The following HEMK1 variants were observed in gnomAD, a reference collection of about 807,000 sequenced individuals.
HEMK1 encodes the protein HemK methyltransferase 1, mitochondrial release factors N(5)-glutamine.
Under a neutral mutation model 47.9 loss-of-function variants are expected in HEMK1, and 36 were observed. The observed-to-expected ratio is 0.75, with a 90% CI of 0.58 to 0.99. The LOEUF is 0.99. HEMK1 is among the 50% of genes least tolerant of loss of function. HEMK1 has a pLI of 0.00. For synonymous variants in HEMK1, 153 were observed against 165.4 expected (o/e 0.93, Z 0.57); for missense variants, 383 against 434.5 (o/e 0.88, Z 1.05).
At position 50,571,024 on chromosome 3, in the gene HEMK1, T is replaced by A. The variant is rs565933842; in HGVS notation, c.-81T>A. The A allele has an allele frequency of 8.8e-7, 1 of 1,139,896 alleles. No homozygotes were observed. The highest frequency in any genetic ancestry group is 2.5e-5 in the East Asian group (1 of 40,148). 70.6% of individuals were successfully genotyped at this position (1,139,896 alleles called of 1,614,324 possible). Reference sequence around the variant, plus strand: ...CCACCCAGCTGGGTCCAGGGGCCACTCTCAGCACTCACCTCAGCAGCTGAC... The same window carrying A: ...CCACCCAGCTGGGTCCAGGGGCCACACTCAGCACTCACCTCAGCAGCTGAC... On this transcript the variant is annotated 5_prime_UTR_variant, in exon 2 of 11. Transcript: ENST00000232854.
At position 50,581,797 on chromosome 3, in the gene HEMK1, G is replaced by A. The variant is rs902990053; in HGVS notation, c.*1380G>A. 3.9e-5 allele frequency: 6 copies of A among 152,256 alleles called. No individual in the cohort carries two copies. Among genetic ancestry groups the A allele is most frequent in the Non-Finnish European group, 4.4e-5 (3 of 68,084 alleles). 9.4% of individuals were successfully genotyped at this position (152,256 alleles called of 1,614,324 possible). ...CTAAGTGTTGCCCTGCACTATGGCT[G>A]GAGGACACATTTGGTAGAGGTCACA... On this transcript the variant is annotated 3_prime_UTR_variant, in exon 11 of 11. Coordinates refer to ENST00000232854, the MANE Select transcript of HEMK1 (RefSeq NM_016173.5).
chr3:50,574,749 G>A (rs1389464525), intron 4 of HEMK1, among the ~76,000 whole-genome samples: 1 of 152,162 alleles, frequency 6.6e-6, no homozygotes, highest in Non-Finnish European at 1.5e-5. Flanking sequence ...GTGGTCTCCA[G>A]TAGTGCCTGG....
rs2031490352 is a variant in HEMK1 at position 50,587,888 on chromosome 3, G to A, written c.*7471G>A. On this transcript the variant is annotated 3_prime_UTR_variant, in exon 11 of 11. Transcript: ENST00000232854. The surrounding 1 kb of genome is among the most constrained non-coding windows in gnomAD (Gnocchi z 4.2). ...GCTGGGGTCTGTAGCAGTGGCATCA[G>A]ATATTCTGGAACAGAACTGACTCAC... 1.3e-5 allele frequency: 2 copies of A among 152,368 alleles called. No homozygotes were observed. Among genetic ancestry groups the A allele is most frequent in the Admixed American group, 1.3e-4 (2 of 15,282 alleles). The allele number at this position is 152,368 out of a possible 1,614,324, so 9.4% of individuals were successfully genotyped here.
intron 4 of HEMK1, 138 bp from the exon 5 acceptor site, chr3:50,576,914 C>T: frequency 9.7e-7 from 1 of 1,034,712 alleles, no homozygotes; most frequent in Non-Finnish European, 1.5e-6. Context: ...TGGCCATGCC[C>T]CAGCTGACAT....
In HEMK1 at chr3:50,577,812, C is replaced by G. The variant is rs754021485; in HGVS notation, c.615-14C>G. The G allele has an allele frequency of 2.0e-5, 32 of 1,613,852 alleles. 2 individuals carry two copies. The Middle Eastern group carries it at 3.5e-3, about 174-fold the overall frequency. On this transcript the variant is annotated splice_polypyrimidine_tract_variant and intron_variant, in intron 6 of 10. Coordinates refer to ENST00000232854, the MANE Select transcript of HEMK1 (RefSeq NM_016173.5). ...TCTGCCCCCGTGCCTACCCCTTTCTCCCTGTCTGTGTAGGCTTCGGTTGCA... is the reference window on the plus strand; with the variant it reads ...TCTGCCCCCGTGCCTACCCCTTTCTGCCTGTCTGTGTAGGCTTCGGTTGCA...
Position 50,593,256 on chromosome 3 carries a change from A to G in HEMK1, c.*12839A>G, listed in dbSNP as rs2031813621. ...GCCCTTGGCTTTGCTATAGGGAAAGAACACAGCCACTCCACACTCTGGGAC... is the reference window on the plus strand; with the variant it reads ...GCCCTTGGCTTTGCTATAGGGAAAGGACACAGCCACTCCACACTCTGGGAC... On this transcript the variant is annotated 3_prime_UTR_variant, in exon 11 of 11. Transcript: ENST00000232854. The G allele has an allele frequency of 6.6e-6, 1 of 152,230 alleles. No individual in the cohort carries two copies. Among genetic ancestry groups the G allele is most frequent in the African/African-American group, 2.4e-5 (1 of 41,428 alleles). The allele number at this position is 152,230 out of a possible 1,614,324, so 9.4% of individuals were successfully genotyped here. A position where few individuals can be genotyped will look rare whatever the true frequency, so the allele number is the denominator to read the frequency against.
intron 3 of HEMK1, 55 bp from the exon 4 acceptor site, chr3:50,572,060 G>C: frequency 6.2e-7 from 1 of 1,609,272 alleles, no homozygotes; most frequent in Non-Finnish European, 8.5e-7. Flanking sequence ...ACCCAGGCAT[G>C]GTCCTGTTGG....
intron 4 of HEMK1, among the ~76,000 whole-genome samples, chr3:50,572,566 G>A (rs954397923): frequency 6.6e-6 from 1 of 152,226 alleles, no homozygotes; most frequent in East Asian, 1.9e-4. Context: ...TTCTCAGGAG[G>A]CATGGAGGAA....
rs1200092159 is a variant in HEMK1 at position 50,588,202 on chromosome 3, C to G, written c.*7785C>G. Reference sequence around the variant, plus strand: ...GAGTGCTGGCGACAACAGTACCGGGCATCTGCAGTGTGTAAACTAGTGCCA... The same window carrying G: ...GAGTGCTGGCGACAACAGTACCGGGGATCTGCAGTGTGTAAACTAGTGCCA... On this transcript the variant is annotated 3_prime_UTR_variant, in exon 11 of 11. Transcript: ENST00000232854. 1 of 152,246 alleles carries G rather than the reference C, an allele frequency of 6.6e-6. No individual in the cohort carries two copies. Among genetic ancestry groups the G allele is most frequent in the African/African-American group, 2.4e-5 (1 of 41,448 alleles). 9.4% of individuals were successfully genotyped at this position (152,246 alleles called of 1,614,324 possible). A position where few individuals can be genotyped will look rare whatever the true frequency, so the allele number is the denominator to read the frequency against.
At position 50,572,006 on chromosome 3, in the gene HEMK1, A is replaced by G. The variant is rs1374827010; in HGVS notation, c.321-109A>G. ...TGCCTCAGGAGTCCCAAGGCCCTGG[A>G]GACATGGTCTTGCCTGATACCTTTG... On this transcript the variant is annotated intron_variant, in intron 3 of 10. Transcript: ENST00000232854. 1.9e-6 allele frequency: 3 copies of G among 1,541,754 alleles called. No individual in the cohort carries two copies. The East Asian group carries it at 7.1e-5, about 36-fold the overall frequency.
rs2029886178 is a variant in HEMK1 at position 50,577,539 on chromosome 3, G to A, written c.580G>A (p.Ala194Thr). ...AGTCATTGCTGTGGATAAGCGGGAA[G>A]CTGCTATCTCTCTGACCCATGAGAA... ...SRVIAVDKREAAISLTHENAQ... is the reference protein window; with the variant it reads ...SRVIAVDKRETAISLTHENAQ... The change falls in exon 6 of 11, where the codon GCT becomes ACT. Residue 194 changes from alanine to threonine, a missense_variant. Ala to Thr is a moderately conservative substitution (Grantham distance 58). Coordinates refer to ENST00000232854, the MANE Select transcript of HEMK1 (RefSeq NM_016173.5). 1 of 1,614,058 alleles carries A rather than the reference G, an allele frequency of 6.2e-7. No homozygotes were observed. Among genetic ancestry groups the A allele is most frequent in the Admixed American group, 1.7e-5 (1 of 60,010 alleles).
intron 8 of HEMK1, among the ~76,000 whole-genome samples, 193 bp from the exon 9 acceptor site, chr3:50,579,651 G>A (rs2030452740): frequency 6.6e-6 from 1 of 152,290 alleles, no homozygotes; most frequent in Non-Finnish European, 1.5e-5. Flanking sequence ...GCCTGGTAGG[G>A]TGCTGCCCAT....
rs1427892444 is a variant in HEMK1 at position 50,594,430 on chromosome 3, AT to A, written c.*14014del. On this transcript the variant is annotated 3_prime_UTR_variant, in exon 11 of 11. Transcript: ENST00000232854. ...GATACAGGCAGGCAAATAGATCCTT[AT>A]CCTTAGGCCATGGGGCATGCATTCA... 3 of 152,256 alleles carry A rather than the reference AT, an allele frequency of 2.0e-5. No individual in the cohort carries two copies. Among genetic ancestry groups the A allele is most frequent in the Non-Finnish European group, 4.4e-5 (3 of 68,046 alleles). The allele number at this position is 152,256 out of a possible 1,614,324, so 9.4% of individuals were successfully genotyped here.
At position 50,583,661 on chromosome 3, in the gene HEMK1, G is replaced by A. The variant is rs2031071249; in HGVS notation, c.*3244G>A. 1 of 152,152 alleles carries A rather than the reference G, an allele frequency of 6.6e-6. No homozygotes were observed. The highest frequency in any genetic ancestry group is 1.5e-5 in the Non-Finnish European group (1 of 68,056). 9.4% of individuals were successfully genotyped at this position (152,152 alleles called of 1,614,324 possible). The stretch of plus-strand genomic sequence containing the variant: ...TTTCTTCATTGGCTCCTTCTTAGTG[G>A]ATTCTCTTCTCTACTGCCCTGGGCT... On this transcript the variant is annotated 3_prime_UTR_variant, in exon 11 of 11. Coordinates refer to ENST00000232854, the MANE Select transcript of HEMK1 (RefSeq NM_016173.5).
intron 4 of HEMK1, among the ~76,000 whole-genome samples, chr3:50,572,478 C>G (rs1701113325): frequency 6.6e-6 from 1 of 152,234 alleles, no homozygotes. Flanking sequence ...TGCCCAAGTA[C>G]TTAGCCTGTT....
chr3:50,579,502 C>T (rs1300679147), intron 8 of HEMK1, among the ~76,000 whole-genome samples: 2 of 152,136 alleles, frequency 1.3e-5, no homozygotes, highest in Admixed American at 1.3e-4. Flanking sequence ...TCTGGGCTCT[C>T]AGGAGTGGTC....
rs2030826200 is a variant in HEMK1, at chr3:50,581,653, C to T, written c.*1236C>T. On this transcript the variant is annotated 3_prime_UTR_variant, in exon 11 of 11. Transcript: ENST00000232854. ...TGCTGGCATCTGAATGTCCATTCGC[C>T]AGGCATGGAGAGCAAGAGAAGGTAT... The T allele has an allele frequency of 6.6e-6, 1 of 152,282 alleles. No individual in the cohort carries two copies. Among genetic ancestry groups the T allele is most frequent in the South Asian group, 2.1e-4 (1 of 4,834 alleles). The allele number at this position is 152,282 out of a possible 1,614,324, so 9.4% of individuals were successfully genotyped here. A position where few individuals can be genotyped will look rare whatever the true frequency, so the allele number is the denominator to read the frequency against.
chr3:50,570,203 G>A (rs1700782177), intron 1 of HEMK1: 1 of 152,222 alleles, frequency 6.6e-6, no homozygotes, highest in African/African-American at 2.4e-5. Flanking sequence ...GACCCTACTT[G>A]TATCTGAAGA....
At position 50,585,514 on chromosome 3, in the gene HEMK1, C is replaced by T. The variant is rs1279328988; in HGVS notation, c.*5097C>T. ...CAAGCTGGGACTAGGACCTCCCTTT[C>T]CAGGGGTACTAAAGGACTCTGGAGA... On this transcript the variant is annotated 3_prime_UTR_variant, in exon 11 of 11. Transcript: ENST00000232854. 3.3e-5 allele frequency: 5 copies of T among 152,254 alleles called. No homozygotes were observed. The highest frequency in any genetic ancestry group is 1.2e-4 in the African/African-American group (5 of 41,444). 9.4% of individuals were successfully genotyped at this position (152,254 alleles called of 1,614,324 possible).
Sources: allele counts gnomAD v4.1 joint callset (sites outside exome capture counted in the v4.1 genomes callset), GRCh38; gene constraint gnomAD v4.1.1; non-coding constraint Gnocchi (gnomAD v3.1); transcripts MANE v1.5; gene names NCBI Gene and HGNC (gene_info 2026-07-23, HGNC 2026-07-21).